Variants in HIRA observed in about 807,000 individuals in gnomAD.
The protein encoded by HIRA is protein HIRA.
A neutral mutation model predicts 126.6 loss-of-function variants in HIRA; 13 were observed. The observed-to-expected ratio is 0.10, with a 90% CI of 0.07 to 0.16. The LOEUF (loss-of-function observed/expected upper bound fraction) is 0.16. HIRA is among the 10% of genes least tolerant of loss of function. The probability of loss-of-function intolerance (pLI) is 1.00; values close to 1 mark genes in which losing one functional copy is unlikely to be tolerated. For synonymous variants in HIRA, 511 were observed against 520.0 expected (o/e 0.98, Z 0.24); for missense variants, 834 against 1,314.4 (o/e 0.63, Z 5.65).
chr22:19,420,199 T>C (rs1216680035), intron 1 of HIRA, among the ~76,000 whole-genome samples: 1 of 152,134 alleles, frequency 6.6e-6, no homozygotes, highest in East Asian at 1.9e-4. Context: ...GGCTCACTCC[T>C]GTAATCCCAG....
rs1238919181 is a variant in HIRA at position 19,356,398 on chromosome 22, C to T, written c.2397-110G>A. 21 of 882,822 alleles carry T rather than the reference C, an allele frequency of 2.4e-5. No individual in the cohort carries two copies. The South Asian group carries it at 2.8e-4, about 12-fold the overall frequency. 54.7% of individuals were successfully genotyped at this position (882,822 alleles called of 1,614,324 possible). A position where few individuals can be genotyped will look rare whatever the true frequency, so the allele number is the denominator to read the frequency against. On this transcript the variant is annotated intron_variant, in intron 19 of 24. Coordinates refer to ENST00000263208, the MANE Select transcript of HIRA (RefSeq NM_003325.4). ...TACTGCATGCGACCCTAACCCTGGCCTCTCCTAGTGAGAGGGGCTCTGGGC... is the reference window on the plus strand; with the variant it reads ...TACTGCATGCGACCCTAACCCTGGCTTCTCCTAGTGAGAGGGGCTCTGGGC...
At chr22:19,334,243 G>C (rs371351269) in intron 24 of HIRA, among the ~76,000 whole-genome samples, 1 of 151,480 alleles carries the variant, frequency 6.6e-6, no homozygotes, top group Non-Finnish European at 1.5e-5. Context: ...CCAAAGTGCT[G>C]GGATTACAGG....
At chr22:19,338,444 G>C (rs2088591421) in intron 24 of HIRA, among the ~76,000 whole-genome samples, 1 of 149,578 alleles carries the variant, frequency 6.7e-6, no homozygotes, top group Admixed American at 6.7e-5. Flanking sequence ...AAGGTATTCA[G>C]GTAAAAACAA....
At chr22:19,399,015 T>C in intron 5 of HIRA, 1 of 563,144 alleles carries the variant, frequency 1.8e-6, no homozygotes. Flanking sequence ...CCAAAACCTA[T>C]CCTCATAGGG....
chr22:19,389,056 C>T (rs138576785), intron 9 of HIRA, among the ~76,000 whole-genome samples: 1,533 of 152,264 alleles, frequency 0.01, 29 homozygotes, highest in African/African-American at 0.034. Flanking sequence ...TACAGAAATA[C>T]ACACCTGGGC....
chr22:19,399,151 G>A (rs928517024), intron 5 of HIRA: 4 of 985,328 alleles, frequency 4.1e-6, no homozygotes, highest in East Asian at 1.1e-4. Flanking sequence ...GGTGAAGGGC[G>A]CAGTCTTAGT....
intron 7 of HIRA, among the ~76,000 whole-genome samples, chr22:19,396,090 C>T (rs931267920): frequency 4.6e-5 from 7 of 152,198 alleles, no homozygotes; most frequent in Admixed American, 4.6e-4. Flanking sequence ...CTCCATCCTC[C>T]CCAACAAGCT....
chr22:19,426,102 T>C (rs1318533284), intron 1 of HIRA, among the ~76,000 whole-genome samples: 3 of 152,174 alleles, frequency 2.0e-5, no homozygotes, highest in Non-Finnish European at 4.4e-5. Flanking sequence ...CCAAGTCCCA[T>C]TAATTCTACC....
intron 7 of HIRA, among the ~76,000 whole-genome samples, chr22:19,396,126 T>A (rs1456242599): frequency 1.3e-5 from 2 of 152,118 alleles, no homozygotes; most frequent in African/African-American, 4.8e-5. Flanking sequence ...CAGAGTAAAC[T>A]CCGCACTATA....
At chr22:19,403,284 T>C (rs537817900) in intron 5 of HIRA, among the ~76,000 whole-genome samples, 15 of 152,108 alleles carry the variant, frequency 9.9e-5, no homozygotes, top group Non-Finnish European at 1.5e-4. Context: ...TCCCTTGTAC[T>C]ACACTTACAA....
chr22:19,331,446 G>A lies in HIRA; in HGVS notation c.3048C>T (p.Asp1016=), dbSNP rs781958890. The change falls in exon 25 of 25, where the codon GAC becomes GAT. Residue 1016 remains aspartate, a synonymous_variant. Transcript: ENST00000263208. ...ECQEQLDILR[D]K The stretch of plus-strand genomic sequence containing the variant: ...CAGGGCAGGCTGGGGCAGGCTACTT[G>A]TCCCTCAGGATGTCGAGCTGTTCCT... 4 of 1,614,078 alleles carry A rather than the reference G, an allele frequency of 2.5e-6. No homozygotes were observed. The highest frequency in any genetic ancestry group is 3.4e-6 in the Non-Finnish European group (4 of 1,180,008).
intron 5 of HIRA, among the ~76,000 whole-genome samples, chr22:19,404,320 G>A (rs2089291913): frequency 6.6e-6 from 1 of 152,150 alleles, no homozygotes; most frequent in African/African-American, 2.4e-5. Context: ...CGGTGGGTAG[G>A]AAAGAGAATG....
At position 19,378,081 on chromosome 22, in the gene HIRA, G is replaced by A. The variant is rs1601829621; in HGVS notation, c.1416-15C>T. ...TGGAGAAGTCCCTGTCATCAAGTAA[G>A]AACAAAAGTCAGCCTTGAAAGTCAG... On this transcript the variant is annotated splice_polypyrimidine_tract_variant and intron_variant, in intron 13 of 24. Transcript: ENST00000263208. 6.6e-7 allele frequency: 1 copy of A among 1,517,858 alleles called. No homozygotes were observed. The highest frequency in any genetic ancestry group is 2.4e-5 in the East Asian group (1 of 41,756). The allele number at this position is 1,517,858 out of a possible 1,614,324, so 94.0% of individuals were successfully genotyped here. A position where few individuals can be genotyped will look rare whatever the true frequency, so the allele number is the denominator to read the frequency against.
intron 4 of HIRA, among the ~76,000 whole-genome samples, chr22:19,406,912 A>C (rs1347427662): frequency 1.3e-5 from 2 of 152,166 alleles, no homozygotes; most frequent in East Asian, 3.8e-4. Context: ...ACTTGAAAAA[A>C]CAAAAGCAAC....
At position 19,343,098 on chromosome 22, in the gene HIRA, A is replaced by T. The variant is rs376835866; in HGVS notation, c.2937+8260T>A. ...TAATGGACTTTGGGGACTCAGGGGG[A>T]AGGGTGAAGAGGGTGAGTGATAAAA... On this transcript the variant is annotated intron_variant, in intron 24 of 24. Coordinates refer to ENST00000263208, the MANE Select transcript of HIRA (RefSeq NM_003325.4). 7.2e-5 allele frequency among the ~76,000 whole-genome samples: 11 copies of T among 152,174 alleles called. No homozygotes were observed. The East Asian group carries it at 1.4e-3, about 19-fold the overall frequency.
intron 1 of HIRA, among the ~76,000 whole-genome samples, chr22:19,425,537 C>T (rs1350459639): frequency 2.0e-5 from 3 of 152,160 alleles, no homozygotes; most frequent in Non-Finnish European, 2.9e-5. Context: ...CAAGGCCAGA[C>T]GCTCCTCAGA....
At chr22:19,422,193 C>CACAT (rs147313860) in intron 1 of HIRA, among the ~76,000 whole-genome samples, 80 of 145,624 alleles carry the variant, frequency 5.5e-4, no homozygotes, top group African/African-American at 1.6e-3. Flanking sequence ...CACACACACA[C>CACAT]ATACACATAT....
chr22:19,349,314 G>C (rs2088728607), intron 24 of HIRA, among the ~76,000 whole-genome samples: 1 of 151,922 alleles, frequency 6.6e-6, no homozygotes. Context: ...TGTTGGCCGG[G>C]CAGGTCTTGA....
At position 19,351,715 on chromosome 22, in the gene HIRA, C is replaced by T. The variant is rs1166254256; in HGVS notation, c.2849-269G>A. Among the ~76,000 whole-genome samples, 2 of 152,098 alleles carry T rather than the reference C, an allele frequency of 1.3e-5. No individual in the cohort carries two copies. The highest frequency in any genetic ancestry group is 2.9e-5 in the Non-Finnish European group (2 of 68,020). ...CTGTGTGTTGGGCCCAGAGGAAAAACGAGATATGGCCAGTTCTGTGATAAA... is the reference window on the plus strand; with the variant it reads ...CTGTGTGTTGGGCCCAGAGGAAAAATGAGATATGGCCAGTTCTGTGATAAA... On this transcript the variant is annotated intron_variant, in intron 23 of 24. Coordinates refer to ENST00000263208, the MANE Select transcript of HIRA (RefSeq NM_003325.4). The surrounding 1 kb of genome is among the most constrained non-coding windows in gnomAD (Gnocchi z 4.8).
Sources: gnomAD v4.1 joint callset for allele counts (sites outside exome capture counted in the v4.1 genomes callset) on GRCh38, gnomAD v4.1.1 for gene constraint, Gnocchi (gnomAD v3.1) non-coding constraint, MANE v1.5 for transcripts, NCBI Gene and HGNC (gene_info 2026-07-23, HGNC 2026-07-21) for gene names.